The following SGPL1 variants were observed in gnomAD, a reference collection of about 807,000 sequenced individuals.
SGPL1 encodes sphingosine-1-phosphate lyase 1.
SGPL1 carries 37 observed loss-of-function variants against 68.9 expected under a neutral mutation model. That is an observed-to-expected ratio of 0.54 (90% confidence interval 0.41 to 0.71). The LOEUF (loss-of-function observed/expected upper bound fraction) is 0.71, where lower values mean the gene tolerates loss of function less well. Ranked by LOEUF, SGPL1 falls within the 30% of genes least tolerant of loss-of-function variation. The probability of loss-of-function intolerance (pLI) is 0.00; values close to 1 mark genes in which losing one functional copy is unlikely to be tolerated. For synonymous variants in SGPL1, 236 were observed against 248.5 expected (o/e 0.95, Z 0.47); for missense variants, 551 against 704.6 (o/e 0.78, Z 2.47).
At chr10:70,845,714 C>T (rs1176443973) in intron 3 of SGPL1, among the ~76,000 whole-genome samples, 1 of 150,824 alleles carries the variant, frequency 6.6e-6, no homozygotes, top group African/African-American at 2.4e-5. Flanking sequence ...TTGTTAGTAC[C>T]TAAACACAAG....
chr10:70,841,402 T>C (rs576351003), intron 2 of SGPL1, among the ~76,000 whole-genome samples: 1 of 152,334 alleles, frequency 6.6e-6, no homozygotes, highest in African/African-American at 2.4e-5. Context: ...CTCTCAGTTC[T>C]GGAGGCCAGG....
intron 7 of SGPL1, among the ~76,000 whole-genome samples, chr10:70,865,892 G>A (rs1410496564): frequency 6.6e-6 from 1 of 152,110 alleles, no homozygotes; most frequent in Non-Finnish European, 1.5e-5. Flanking sequence ...TTGTTCTCTT[G>A]TTTTCTGAAA....
At position 70,858,837 on chromosome 10, in the gene SGPL1, C is replaced by T. The variant is rs370717150; in HGVS notation, c.487-534C>T. Among the ~76,000 whole-genome samples, 82 of 152,280 alleles carry T rather than the reference C, an allele frequency of 5.4e-4. 1 individual carries two copies. The South Asian group carries it at 0.017, about 31-fold the overall frequency. On this transcript the variant is annotated intron_variant, in intron 6 of 14. Coordinates refer to ENST00000373202, the MANE Select transcript of SGPL1 (RefSeq NM_003901.4). ...TCCAAATGATGATTCCTACTCATCT[C>T]TCAAAGTTCCACTCAGCAGACACCT...
chr10:70,867,291 A>C (rs1041515965), intron 7 of SGPL1, among the ~76,000 whole-genome samples: 2 of 152,170 alleles, frequency 1.3e-5, no homozygotes, highest in African/African-American at 4.8e-5. Context: ...GGCCAGGTGC[A>C]GTGGCTCACA....
intron 2 of SGPL1, among the ~76,000 whole-genome samples, 188 bp downstream of exon 2, chr10:70,817,068 G>A (rs952510513): frequency 6.6e-6 from 1 of 152,232 alleles, no homozygotes; most frequent in Non-Finnish European, 1.5e-5. Flanking sequence ...TGCCCAGACT[G>A]GGGTGCAGTG....
intron 12 of SGPL1, 79 bp downstream of exon 12, chr10:70,873,668 T>C: frequency 9.5e-7 from 1 of 1,049,734 alleles, no homozygotes; most frequent in South Asian, 1.3e-5. Flanking sequence ...CCTGGCTAAG[T>C]ATCCATAGCC....
At position 70,873,599 on chromosome 10, in the gene SGPL1, G is replaced by A. The variant is rs1219399220; in HGVS notation, c.1298+10G>A. The A allele has an allele frequency of 1.3e-6, 2 of 1,589,376 alleles. No individual in the cohort carries two copies. Among genetic ancestry groups the A allele is most frequent in the African/African-American group, 1.3e-5 (1 of 74,460 alleles). ...GCTTCCTCAAGTCAGAGTATGTGTG[G>A]AAGACTGGGGTTCTGCCTTGTCTAT... On this transcript the variant is annotated intron_variant, in intron 12 of 14. Coordinates refer to ENST00000373202, the MANE Select transcript of SGPL1 (RefSeq NM_003901.4).
intron 7 of SGPL1, among the ~76,000 whole-genome samples, chr10:70,861,700 C>T (rs1034259335): frequency 1.3e-5 from 2 of 152,206 alleles, no homozygotes; most frequent in South Asian, 2.1e-4. Flanking sequence ...AGCTAGAGTT[C>T]CCGGTGAGCA....
intron 2 of SGPL1, among the ~76,000 whole-genome samples, chr10:70,821,002 G>A (rs1845329357): frequency 6.6e-6 from 1 of 152,222 alleles, no homozygotes; most frequent in African/African-American, 2.4e-5. Context: ...ATGACCTGGA[G>A]TCCACATATA....
chr10:70,817,799 G>A (rs1014173920), intron 2 of SGPL1, among the ~76,000 whole-genome samples: 1 of 152,178 alleles, frequency 6.6e-6, no homozygotes, highest in African/African-American at 2.4e-5. Context: ...TAAACACCTA[G>A]CATGGTGCTC....
Position 70,873,476 on chromosome 10 carries a change from A to T in SGPL1, c.1185A>T (p.Ser395=). The change falls in exon 12 of 15, where the codon TCA becomes TCT. Residue 395 remains serine (S), a synonymous_variant. Transcript: ENST00000373202. ...ATGCTTCCCCAACCATCGCAGGCTCACGGCCTGGTGGCATTAGCGCAGCCT... is the reference window on the plus strand; with the variant it reads ...ATGCTTCCCCAACCATCGCAGGCTCTCGGCCTGGTGGCATTAGCGCAGCCT... ...GIYASPTIAG[S]RPGGISAACW... is the part of the protein sequence containing the mutation. 1 of 1,614,174 alleles carries T rather than the reference A, an allele frequency of 6.2e-7. No individual in the cohort carries two copies. The highest frequency in any genetic ancestry group is 1.1e-5 in the South Asian group (1 of 91,086).
chr10:70,831,183 T>A (rs1167419851), intron 2 of SGPL1, among the ~76,000 whole-genome samples: 2 of 152,172 alleles, frequency 1.3e-5, no homozygotes, highest in Admixed American at 1.3e-4. Flanking sequence ...ATGCATAATT[T>A]TTCATTGGAA....
chr10:70,861,734 G>A lies in SGPL1; in HGVS notation c.615+2235G>A, dbSNP rs558659594. ...CATGGGCTTGGCGGGCCCCGCACTC[G>A]GAGCAGCCGGCCGGCCCTGCCGGCC... On this transcript the variant is annotated intron_variant, in intron 7 of 14. Coordinates refer to ENST00000373202, the MANE Select transcript of SGPL1 (RefSeq NM_003901.4). Among the ~76,000 whole-genome samples, 6 of 152,340 alleles carry A rather than the reference G, an allele frequency of 3.9e-5. No individual in the cohort carries two copies. The East Asian group carries it at 9.7e-4, about 25-fold the overall frequency.
chr10:70,829,968 T>C (rs547198713), intron 2 of SGPL1, among the ~76,000 whole-genome samples: 2 of 152,358 alleles, frequency 1.3e-5, no homozygotes, highest in South Asian at 2.1e-4. Flanking sequence ...CGTAAAAATA[T>C]ACCTTTAGGC....
rs968498243 is a variant in SGPL1, at chr10:70,877,237, A to G, written c.1609A>G (p.Met537Val). ...GMAQTTVDRN[M>V]VAELSSVFLD... ...GGCCCAGACAACTGTTGACAGGAAT[A>G]TGGTTGCAGAATTGTCCTCAGTCTT... Residue 537 changes from methionine to valine, a missense_variant, in exon 15 of 15, where the codon ATG (methionine) becomes GTG (valine). Physicochemically the swap from Met to Val is conservative, Grantham distance 21 (BLOSUM62 1). Transcript: ENST00000373202. 4 of 1,614,032 alleles carry G rather than the reference A, an allele frequency of 2.5e-6. No homozygotes were observed. Among genetic ancestry groups the G allele is most frequent in the Non-Finnish European group, 3.4e-6 (4 of 1,179,972 alleles).
intron 2 of SGPL1, among the ~76,000 whole-genome samples, chr10:70,825,154 TGA>T (rs1845411023): frequency 6.6e-6 from 1 of 152,002 alleles, no homozygotes; most frequent in Non-Finnish European, 1.5e-5. Flanking sequence ...TCTGGAACTT[TGA>T]GAGAGTTGAG....
At chr10:70,834,103 T>C (rs1318142735) in intron 2 of SGPL1, among the ~76,000 whole-genome samples, 1 of 152,130 alleles carries the variant, frequency 6.6e-6, no homozygotes, top group Non-Finnish European at 1.5e-5. Flanking sequence ...GTGTCAGTAA[T>C]ATGTTAAGTC....
intron 11 of SGPL1, 96 bp downstream of exon 11, chr10:70,872,082 T>A: frequency 8.1e-7 from 1 of 1,233,172 alleles, no homozygotes; most frequent in Non-Finnish European, 1.1e-6. Context: ...TAAAATTAAC[T>A]ATAGAATTCT....
In SGPL1 at chr10:70,824,678, C is replaced by G. The variant is rs182619700; in HGVS notation, c.27+7798C>G. The stretch of plus-strand genomic sequence containing the variant: ...ATGTAGCAATCCAAAACATTCAAAA[C>G]AAATTAAATAGTTTAACTTATGTGA... On this transcript the variant is annotated intron_variant, in intron 2 of 14. Transcript: ENST00000373202. Among the ~76,000 whole-genome samples the G allele has an allele frequency of 8.6e-5, 13 of 152,014 alleles. No individual in the cohort carries two copies. In the South Asian group the frequency reaches 1.7e-3, roughly 19 times the overall value.
Sources: allele counts gnomAD v4.1 joint callset (sites outside exome capture counted in the v4.1 genomes callset), GRCh38; gene constraint gnomAD v4.1.1; transcripts MANE v1.5; gene names NCBI Gene and HGNC (gene_info 2026-07-23, HGNC 2026-07-21).